The following TRAPPC9 variants were observed in gnomAD, a reference collection of about 807,000 sequenced individuals.
The protein encoded by TRAPPC9 is trafficking protein particle complex subunit 9, also known as IKK2 binding protein.
TRAPPC9 carries 83 observed loss-of-function variants against 124.0 expected under a neutral mutation model. The observed-to-expected ratio is 0.67, with a 90% confidence interval of 0.56 to 0.80. The LOEUF is 0.80. Among genes scored for constraint, TRAPPC9 ranks in the 30% least tolerant of loss-of-function variants. The pLI is 0.00. For missense variants in TRAPPC9, 1,302 were observed against 1,508.3 expected (o/e 0.86, Z 2.27); for synonymous variants, 638 against 617.5 (o/e 1.03, Z -0.49).
chr8:140,091,805 C>T (rs1844582152), intron 17 of TRAPPC9, among the ~76,000 whole-genome samples: 1 of 152,218 alleles, frequency 6.6e-6, no homozygotes, highest in Non-Finnish European at 1.5e-5. Flanking sequence ...CTGTCCTCAA[C>T]CCAGGACTGC....
At chr8:139,733,662 T>C (rs1041355756) in intron 21 of TRAPPC9, among the ~76,000 whole-genome samples, 1 of 152,194 alleles carries the variant, frequency 6.6e-6, no homozygotes, top group Non-Finnish European at 1.5e-5. Context: ...GATGACATGA[T>C]GGTGACACGC....
intron 17 of TRAPPC9, among the ~76,000 whole-genome samples, chr8:140,093,285 G>A (rs368183436): frequency 2.0e-5 from 3 of 152,162 alleles, no homozygotes; most frequent in African/African-American, 7.2e-5. Context: ...AGTTCTACTG[G>A]TGTTCCTTGC....
At chr8:139,752,320 T>C (rs1201531595) in intron 21 of TRAPPC9, among the ~76,000 whole-genome samples, 14 of 135,962 alleles carry the variant, frequency 1.0e-4, no homozygotes, top group African/African-American at 3.9e-4. Flanking sequence ...TCCACCCATC[T>C]ACCACCCATC....
At chr8:140,386,090 C>T (rs139894456) in intron 7 of TRAPPC9, among the ~76,000 whole-genome samples, 9 of 151,940 alleles carry the variant, frequency 5.9e-5, no homozygotes, top group East Asian at 1.9e-4. Flanking sequence ...CAATAGATGC[C>T]GAAAAGGCCT....
intron 21 of TRAPPC9, among the ~76,000 whole-genome samples, chr8:139,844,705 A>G (rs1364896975): frequency 1.3e-5 from 2 of 152,236 alleles, no homozygotes; most frequent in Non-Finnish European, 2.9e-5. Flanking sequence ...GGGGACTGGA[A>G]TAAGCTTTGG....
In TRAPPC9 at chr8:139,940,324, T is replaced by C. The variant is rs575518011; in HGVS notation, c.2811-30024A>G. On this transcript the variant is annotated intron_variant, in intron 19 of 22. Coordinates refer to ENST00000438773, the MANE Select transcript of TRAPPC9 (RefSeq NM_001160372.4). ...ACAGAGAAACAGGGAAGACATCAGA[T>C]ACTGAAGTTTGTGTTAATTGGGGAG... Among the ~76,000 whole-genome samples the C allele has an allele frequency of 2.6e-5, 4 of 152,368 alleles. No individual in the cohort carries two copies. In the East Asian group the frequency reaches 7.7e-4, roughly 29 times the overall value.
At chr8:140,023,820 G>C in intron 18 of TRAPPC9, 117 bp downstream of exon 18, 1 of 1,485,358 alleles carries the variant, frequency 6.7e-7, no homozygotes, top group Non-Finnish European at 9.4e-7. Flanking sequence ...TCAGCAACTT[G>C]GCCCCATGGC....
intron 21 of TRAPPC9, among the ~76,000 whole-genome samples, chr8:139,732,815 G>C (rs975582796): frequency 6.6e-6 from 1 of 152,208 alleles, no homozygotes; most frequent in Non-Finnish European, 1.5e-5. Context: ...AGGTGCTCAG[G>C]GAAGTGGCAC....
At chr8:140,300,733 G>A in intron 10 of TRAPPC9, 119 bp from the exon 11 acceptor site, 1 of 1,319,920 alleles carries the variant, frequency 7.6e-7, no homozygotes, top group East Asian at 2.3e-5. Flanking sequence ...AAGATAAATG[G>A]AGGGAGGAAA....
At chr8:139,847,561 C>A (rs1827166855) in intron 21 of TRAPPC9, among the ~76,000 whole-genome samples, 1 of 151,784 alleles carries the variant, frequency 6.6e-6, no homozygotes, top group African/African-American at 2.4e-5. Context: ...GAGCACCTGT[C>A]CCCTGGCGGC....
At chr8:140,328,147 C>G (rs2131983530) in intron 9 of TRAPPC9, among the ~76,000 whole-genome samples, 1 of 152,112 alleles carries the variant, frequency 6.6e-6, no homozygotes, top group Non-Finnish European at 1.5e-5. Context: ...CCCAACTACT[C>G]AAGAGGCTCA....
At chr8:139,920,219 A>C (rs960739762) in intron 19 of TRAPPC9, among the ~76,000 whole-genome samples, 2 of 152,106 alleles carry the variant, frequency 1.3e-5, no homozygotes, top group African/African-American at 4.8e-5. Context: ...GGTGGCGCGC[A>C]CCTGTAATCC....
intron 18 of TRAPPC9, among the ~76,000 whole-genome samples, chr8:139,998,754 A>G (rs2614751): frequency 0.63 from 95,842 of 152,128 alleles, 34,470 homozygotes; most frequent in East Asian, 0.88. Flanking sequence ...AACAAAACAA[A>G]AAAAAACAAT....
intron 8 of TRAPPC9, among the ~76,000 whole-genome samples, chr8:140,366,857 A>G (rs1418081526): frequency 1.3e-5 from 2 of 152,218 alleles, no homozygotes; most frequent in East Asian, 3.8e-4. Flanking sequence ...CAAATCATAG[A>G]AAAAACTCTT....
At chr8:140,268,983 C>CGGGGCT (rs748332102) in intron 15 of TRAPPC9, among the ~76,000 whole-genome samples, 3 of 151,988 alleles carry the variant, frequency 2.0e-5, no homozygotes, top group Non-Finnish European at 2.9e-5. Context: ...TGGCTTGCCC[C>CGGGGCT]GGGGCTGGGG....
chr8:140,368,771 A>G (rs1271314125), intron 8 of TRAPPC9, among the ~76,000 whole-genome samples: 1 of 152,154 alleles, frequency 6.6e-6, no homozygotes, highest in Non-Finnish European at 1.5e-5. Flanking sequence ...TTACTCACTC[A>G]GTCTGCGTTT....
intron 10 of TRAPPC9, among the ~76,000 whole-genome samples, chr8:140,306,766 G>A (rs754962982): frequency 5.9e-5 from 9 of 152,282 alleles, no homozygotes; most frequent in South Asian, 4.1e-4. Flanking sequence ...TTCATAAAGC[G>A]TGCACTTGCT....
intron 20 of TRAPPC9, among the ~76,000 whole-genome samples, chr8:139,889,026 C>T (rs149167528): frequency 0.014 from 2,136 of 152,196 alleles, 25 homozygotes; most frequent in Middle Eastern, 0.017. Context: ...TTCACAATAG[C>T]CAAAGGGTGG....
intron 20 of TRAPPC9, chr8:139,904,936 T>C (rs901671097): frequency 1.4e-4 from 21 of 152,252 alleles, no homozygotes; most frequent in African/African-American, 4.8e-4. Context: ...ATATAGAAGA[T>C]TTCTAGATCA....
Sources: gnomAD v4.1 joint callset for allele counts (sites outside exome capture counted in the v4.1 genomes callset) on GRCh38, gnomAD v4.1.1 for gene constraint, MANE v1.5 for transcripts, NCBI Gene and HGNC (gene_info 2026-07-23, HGNC 2026-07-21) for gene names.